The following ARHGEF12 variants were observed in gnomAD, a reference collection of about 807,000 sequenced individuals.
ARHGEF12 encodes Rho guanine nucleotide exchange factor 12.
Under a neutral mutation model 211.2 loss-of-function variants are expected in ARHGEF12, and 66 were observed. That is an observed-to-expected ratio of 0.31 (90% CI 0.26 to 0.38). The LOEUF is 0.38. Among genes scored for constraint, ARHGEF12 ranks in the 10% least tolerant of loss-of-function variants. The pLI, the probability that ARHGEF12 is intolerant of heterozygous loss-of-function variation, is 1.00. For missense variants in ARHGEF12, 1,429 were observed against 1,869.5 expected, an observed-to-expected ratio of 0.76 and a Z score of 4.34; for synonymous variants, 592 against 638.4, an observed-to-expected ratio of 0.93 and a Z score of 1.09.
intron 37 of ARHGEF12, among the ~76,000 whole-genome samples, chr11:120,479,671 G>A (rs952882608): frequency 6.6e-6 from 1 of 152,142 alleles, no homozygotes; most frequent in Non-Finnish European, 1.5e-5. Flanking sequence ...GGTTATTGAG[G>A]AGTTCTAAAT....
chr11:120,339,138 T>C (rs1942452922), intron 1 of ARHGEF12, among the ~76,000 whole-genome samples: 1 of 151,858 alleles, frequency 6.6e-6, no homozygotes, highest in African/African-American at 2.4e-5. Context: ...TGCCTAATTT[T>C]ACATTTTTTT....
At chr11:120,482,991 G>T (rs1167400371) in intron 39 of ARHGEF12, among the ~76,000 whole-genome samples, 1 of 152,090 alleles carries the variant, frequency 6.6e-6, no homozygotes, top group East Asian at 1.9e-4. Flanking sequence ...TTGAGGACAG[G>T]TCGGTTCTTA....
intron 1 of ARHGEF12, among the ~76,000 whole-genome samples, chr11:120,373,558 T>C (rs1200617647): frequency 3.3e-5 from 5 of 152,232 alleles, no homozygotes; most frequent in Non-Finnish European, 7.3e-5. Flanking sequence ...AGTTAGGAAA[T>C]GTATTTCTAA....
At chr11:120,444,289 A>C (rs1945977414) in intron 15 of ARHGEF12, among the ~76,000 whole-genome samples, 1 of 152,210 alleles carries the variant, frequency 6.6e-6, no homozygotes, top group Non-Finnish European at 1.5e-5. Context: ...GAGGGCACCA[A>C]GCTAAGTCAA....
chr11:120,474,561 A>G lies in ARHGEF12; in HGVS notation c.3035A>G (p.Asn1012Ser), dbSNP rs1303225052. 1 of 1,609,710 alleles carries G rather than the reference A, an allele frequency of 6.2e-7. No homozygotes were observed. Among genetic ancestry groups the G allele is most frequent in the South Asian group, 1.1e-5 (1 of 90,042 alleles). ...SEYPNVEELR[N>S]LDLTKRKMIH... ...GCATGATTTTCTTTATTTTGCCAGA[A>G]TTTGGATTTAACAAAAAGGAAGATG... The change falls in exon 32 of 41, where the codon AAT becomes AGT. Residue 1012 changes from asparagine (N) to serine (S), a missense_variant and splice_region_variant. By Grantham distance (46) the Asn-to-Ser change is conservative. Transcript: ENST00000397843.
chr11:120,382,406 C>A (rs1267868797), intron 1 of ARHGEF12, among the ~76,000 whole-genome samples: 2 of 152,300 alleles, frequency 1.3e-5, no homozygotes, highest in East Asian at 3.9e-4. Flanking sequence ...GAATAAACTA[C>A]AGTTTTAAAA....
Position 120,406,153 on chromosome 11 carries a change from C to G in ARHGEF12, c.56+12C>G. 1 of 1,513,368 alleles carries G rather than the reference C, an allele frequency of 6.6e-7. No homozygotes were observed. Among genetic ancestry groups the G allele is most frequent in the South Asian group, 1.3e-5 (1 of 76,388 alleles). 93.7% of individuals were successfully genotyped at this position (1,513,368 alleles called of 1,614,324 possible). A position where few individuals can be genotyped will look rare whatever the true frequency, so the allele number is the denominator to read the frequency against. On this transcript the variant is annotated intron_variant, in intron 2 of 40. Transcript: ENST00000397843. Reference sequence around the variant, plus strand: ...AAAAAACCTATAAGGTAAGTTTGCTCAATTACACTTCATACTCAAGTTTAG... The same window carrying G: ...AAAAAACCTATAAGGTAAGTTTGCTGAATTACACTTCATACTCAAGTTTAG...
intron 1 of ARHGEF12, among the ~76,000 whole-genome samples, chr11:120,363,742 A>G (rs1342589004): frequency 6.6e-6 from 1 of 152,130 alleles, no homozygotes; most frequent in African/African-American, 2.4e-5. Context: ...TTCCCTTATT[A>G]TGGACTTCAT....
chr11:120,358,434 T>C (rs1034816386), intron 1 of ARHGEF12, among the ~76,000 whole-genome samples: 1 of 152,074 alleles, frequency 6.6e-6, no homozygotes, highest in African/African-American at 2.4e-5. Flanking sequence ...TTTGTTATTT[T>C]TGTTTGGCTG....
chr11:120,461,324 A>G (rs1424940357), intron 27 of ARHGEF12, among the ~76,000 whole-genome samples: 2 of 152,198 alleles, frequency 1.3e-5, no homozygotes, highest in Non-Finnish European at 2.9e-5. Flanking sequence ...TGCAAACAAC[A>G]TTGATCTCCT....
intron 2 of ARHGEF12, among the ~76,000 whole-genome samples, chr11:120,406,344 T>TTA (rs1256044956): frequency 1.3e-5 from 2 of 152,158 alleles, no homozygotes; most frequent in African/African-American, 2.4e-5. Flanking sequence ...ACTTCTAATA[T>TTA]AAGCATTTAA....
At chr11:120,468,978 G>A (rs1190254176) in intron 29 of ARHGEF12, among the ~76,000 whole-genome samples, 1 of 152,182 alleles carries the variant, frequency 6.6e-6, no homozygotes, top group Non-Finnish European at 1.5e-5. Context: ...AATGAGACCT[G>A]CCCTTCTGGA....
At chr11:120,452,189 TGAAA>T (rs1360719662) in intron 22 of ARHGEF12, among the ~76,000 whole-genome samples, 3 of 152,206 alleles carry the variant, frequency 2.0e-5, no homozygotes, top group Non-Finnish European at 2.9e-5. Context: ...GGAAGCCAGC[TGAAA>T]GAAAGGGTAG....
rs181794539 is a variant in ARHGEF12 at position 120,485,760 on chromosome 11, T to G, written c.*683T>G. The G allele has an allele frequency of 4.3e-6, 1 of 233,574 alleles. No homozygotes were observed. The highest frequency in any genetic ancestry group is 8.5e-6 in the Non-Finnish European group (1 of 117,962). The allele number at this position is 233,574 out of a possible 1,614,324, so 14.5% of individuals were successfully genotyped here. ...GTGGTCAGAGAGTGGATGGGCTTCCTCCCGCCCTGAGGCAAGCACCTCTTC... is the reference window on the plus strand; with the variant it reads ...GTGGTCAGAGAGTGGATGGGCTTCCGCCCGCCCTGAGGCAAGCACCTCTTC... On this transcript the variant is annotated 3_prime_UTR_variant, in exon 41 of 41. Coordinates refer to ENST00000397843, the MANE Select transcript of ARHGEF12 (RefSeq NM_015313.3).
chr11:120,429,855 A>G, intron 10 of ARHGEF12, 24 bp downstream of exon 10: 1 of 1,578,494 alleles, frequency 6.3e-7, no homozygotes, highest in Non-Finnish European at 8.6e-7. Flanking sequence ...TACAAGTGCT[A>G]CCCAACTTTT....
intron 1 of ARHGEF12, among the ~76,000 whole-genome samples, chr11:120,347,270 CTGTGTG>C (rs55651421): frequency 3.8e-4 from 30 of 79,874 alleles, no homozygotes; most frequent in South Asian, 6.4e-4. Flanking sequence ...CTCTCTCTGT[CTGTGTG>C]TGTGTGTGTG....
intron 30 of ARHGEF12, among the ~76,000 whole-genome samples, chr11:120,471,808 A>G (rs553494176): frequency 2.2e-4 from 33 of 152,338 alleles, no homozygotes; most frequent in African/African-American, 7.5e-4. Context: ...GGTGTTCACT[A>G]TGCTCACTCA....
chr11:120,437,777 C>T (rs1481941179), intron 12 of ARHGEF12, among the ~76,000 whole-genome samples: 1 of 152,150 alleles, frequency 6.6e-6, no homozygotes, highest in Admixed American at 6.5e-5. Flanking sequence ...TACTTTCTGT[C>T]TCTATGAATT....
intron 26 of ARHGEF12, among the ~76,000 whole-genome samples, chr11:120,459,821 A>C (rs1398169703): frequency 1.3e-5 from 2 of 152,054 alleles, no homozygotes; most frequent in Non-Finnish European, 2.9e-5. Context: ...GGATCCTCCC[A>C]CCTCAGCCAC....
Sources: gnomAD v4.1 joint callset for allele counts (sites outside exome capture counted in the v4.1 genomes callset) on GRCh38, gnomAD v4.1.1 for gene constraint, MANE v1.5 for transcripts, NCBI Gene and HGNC (gene_info 2026-07-23, HGNC 2026-07-21) for gene names.